The following RLIM variants were observed in gnomAD, a reference collection of about 807,000 sequenced individuals.
The protein encoded by RLIM is ring finger protein, LIM domain interacting, also known as E3 ubiquitin-protein ligase RLIM.
In RLIM, 2 loss-of-function variants were observed where a neutral mutation model predicts 34.0. That is an observed-to-expected ratio of 0.06 (90% CI 0.02 to 0.19). The LOEUF (loss-of-function observed/expected upper bound fraction) is 0.19, where lower values mean the gene tolerates loss of function less well. RLIM is among the 10% of genes least tolerant of loss of function. RLIM has a pLI of 1.00. For missense variants in RLIM, 286 were observed against 479.7 expected (o/e 0.60, Z 3.77); for synonymous variants, 169 against 164.0 (o/e 1.03, Z -0.23).
At chrX:74,593,686 G>A (rs1211834307) in intron 3 of RLIM, among the ~76,000 whole-genome samples, 2 of 112,672 alleles carry the variant, frequency 1.8e-5, no homozygotes, top group Admixed American at 1.9e-4. Context: ...ATAATGGCAT[G>A]TTCAAGAACC....
intron 1 of RLIM, among the ~76,000 whole-genome samples, chrX:74,600,075 T>G (rs2079654891): frequency 9.0e-6 from 1 of 111,028 alleles, no homozygotes; most frequent in Non-Finnish European, 1.9e-5. Context: ...CTATCCTATC[T>G]TGTTTAATTA....
At chrX:74,593,083 G>A (rs1432644884) in intron 3 of RLIM, 22 bp from the exon 4 acceptor site, 1 of 1,171,152 alleles carries the variant, frequency 8.5e-7, no homozygotes, top group African/African-American at 1.8e-5. Flanking sequence ...AAAGGAGGGG[G>A]AGAGGGAGAA....
intron 1 of RLIM, among the ~76,000 whole-genome samples, chrX:74,607,127 G>T (rs780359137): frequency 4.6e-5 from 4 of 87,467 alleles, no homozygotes; most frequent in Admixed American, 1.6e-4. Flanking sequence ...GGGTGACAGA[G>T]ACTCCATATC....
chrX:74,592,691 C>T lies in RLIM; in HGVS notation c.624G>A (p.Gln208=), dbSNP rs760723876. Residue 208 remains glutamine (Q), a synonymous_variant, in exon 4 of 4, where the codon CAG becomes CAA. Coordinates refer to ENST00000332687, the MANE Select transcript of RLIM (RefSeq NM_016120.4). ...CTGGGCTCCTGCTTCTTGCCCTCCT[C>T]TGACCTCTGGTAGGTGGGACCTCTG... ...ALTEVPPTRG[Q]RRARSRSPDH... 1 of 1,211,964 alleles carries T rather than the reference C, an allele frequency of 8.3e-7. No homozygotes were observed. Among genetic ancestry groups the T allele is most frequent in the East Asian group, 3.0e-5 (1 of 33,851 alleles).
intron 1 of RLIM, among the ~76,000 whole-genome samples, chrX:74,610,828 TGC>T (rs2079707000): frequency 1.8e-5 from 2 of 109,382 alleles, no homozygotes; most frequent in Non-Finnish European, 3.8e-5. Context: ...AGGTGGAGGT[TGC>T]AGTGAGCCGA....
intron 1 of RLIM, among the ~76,000 whole-genome samples, chrX:74,600,390 A>G (rs972052913): frequency 9.0e-6 from 1 of 111,361 alleles, no homozygotes; most frequent in African/African-American, 3.3e-5. Flanking sequence ...TGGTAAAGGC[A>G]GCCGATTTTT....
chrX:74,605,218 A>G (rs1448351627), intron 1 of RLIM, among the ~76,000 whole-genome samples: 1 of 112,300 alleles, frequency 8.9e-6, no homozygotes, highest in African/African-American at 3.2e-5. Context: ...ACACCCAATG[A>G]GCCTGGTCTT....
intron 3 of RLIM, among the ~76,000 whole-genome samples, chrX:74,593,649 A>C (rs1284513866): frequency 8.9e-6 from 1 of 112,838 alleles, no homozygotes; most frequent in African/African-American, 3.2e-5. Context: ...CAGATCAAAT[A>C]AGTAGTCTGA....
chrX:74,589,695 C>T lies in RLIM; in HGVS notation c.*1745G>A, dbSNP rs1219999035. 1 of 112,006 alleles carries T rather than the reference C, an allele frequency of 8.9e-6. No individual in the cohort carries two copies. The highest frequency in any genetic ancestry group is 3.2e-5 in the African/African-American group (1 of 30,872). 9.2% of individuals were successfully genotyped at this position (112,006 alleles called of 1,213,427 possible). Reference sequence around the variant, plus strand: ...GTTTATTTTGTAGAGTATTTGACTACGTCTGGGTAGCTAGCTTGCTTTGAT... The same window carrying T: ...GTTTATTTTGTAGAGTATTTGACTATGTCTGGGTAGCTAGCTTGCTTTGAT... On this transcript the variant is annotated 3_prime_UTR_variant, in exon 4 of 4. Coordinates refer to ENST00000332687, the MANE Select transcript of RLIM (RefSeq NM_016120.4).
At chrX:74,609,966 G>A (rs192713794) in intron 1 of RLIM, among the ~76,000 whole-genome samples, 24 of 112,061 alleles carry the variant, frequency 2.1e-4, no homozygotes, top group Non-Finnish European at 3.2e-4. Flanking sequence ...TCATGGAAAC[G>A]CCATTAGACT....
In RLIM at chrX:74,583,120, C is replaced by T. The variant is rs1415254362; in HGVS notation, c.*8320G>A. 2.5e-6 allele frequency: 3 copies of T among 1,196,676 alleles called. No homozygotes were observed. The highest frequency in any genetic ancestry group is 3.4e-6 in the Non-Finnish European group (3 of 880,894). ...GTTGGAACACCGGTGGCACTGTTAACTGCTTTCTGGGCAGTCTCTTTAGCT... is the reference window on the plus strand; with the variant it reads ...GTTGGAACACCGGTGGCACTGTTAATTGCTTTCTGGGCAGTCTCTTTAGCT... On this transcript the variant is annotated 3_prime_UTR_variant, in exon 4 of 4. Coordinates refer to ENST00000332687, the MANE Select transcript of RLIM (RefSeq NM_016120.4).
At chrX:74,608,585 C>T (rs1417891227) in intron 1 of RLIM, among the ~76,000 whole-genome samples, 1 of 111,931 alleles carries the variant, frequency 8.9e-6, no homozygotes, top group Non-Finnish European at 1.9e-5. Context: ...GCTACCATAA[C>T]AATAAGAGAT....
chrX:74,599,701 G>C (rs931935590), intron 1 of RLIM, among the ~76,000 whole-genome samples: 2 of 111,335 alleles, frequency 1.8e-5, no homozygotes, highest in Non-Finnish European at 1.9e-5. Context: ...CCCTGATCTT[G>C]GATTTTCTAG....
chrX:74,587,226 C>T lies in RLIM; in HGVS notation c.*4214G>A, dbSNP rs948322261. The stretch of plus-strand genomic sequence containing the variant: ...AAAGCACACAATTTACTAGTTAACT[C>T]AATGAATTACAATACTGTTATTGAA... On this transcript the variant is annotated 3_prime_UTR_variant, in exon 4 of 4. Transcript: ENST00000332687. The T allele has an allele frequency of 4.5e-5, 5 of 111,548 alleles. No homozygotes were observed. Among genetic ancestry groups the T allele is most frequent in the African/African-American group, 1.6e-4 (5 of 30,693 alleles). 9.2% of individuals were successfully genotyped at this position (111,548 alleles called of 1,213,427 possible). A position where few individuals can be genotyped will look rare whatever the true frequency, so the allele number is the denominator to read the frequency against.
chrX:74,612,465 T>G (rs1209584916), intron 1 of RLIM: 2 of 111,380 alleles, frequency 1.8e-5, no homozygotes, highest in Non-Finnish European at 3.8e-5. Context: ...CCCAACACCA[T>G]CTAACATCTA....
chrX:74,600,698 A>G (rs901573981), intron 1 of RLIM, among the ~76,000 whole-genome samples: 2 of 110,955 alleles, frequency 1.8e-5, no homozygotes, highest in African/African-American at 6.6e-5. Context: ...CATTTACAGC[A>G]GTGGCACAAA....
At position 74,591,447 on chromosome X, in the gene RLIM, A is replaced by C; in HGVS notation, c.1868T>G (p.Val623Gly). Residue 623 changes from valine to glycine, a missense_variant, in exon 4 of 4, where the codon GTT (valine) becomes GGT (glycine). Val to Gly is a moderately radical substitution (Grantham distance 109, BLOSUM62 -3). Coordinates refer to ENST00000332687, the MANE Select transcript of RLIM (RefSeq NM_016120.4). Reference protein sequence around the residue: ...AVLASGNRESVV With the variant: ...AVLASGNRESGV ...TGAGAGTTCAGATCTTAATTACACAACACTTTCTCTGTTACCAGAAGCTAA... is the reference window on the plus strand; with the variant it reads ...TGAGAGTTCAGATCTTAATTACACACCACTTTCTCTGTTACCAGAAGCTAA... The C allele has an allele frequency of 8.3e-7, 1 of 1,205,458 alleles. No individual in the cohort carries two copies.
rs770853723 is a variant in RLIM, at chrX:74,589,667, CTTGT to C, written c.*1769_*1772del. On this transcript the variant is annotated 3_prime_UTR_variant, in exon 4 of 4. Coordinates refer to ENST00000332687, the MANE Select transcript of RLIM (RefSeq NM_016120.4). ...GTACCCAGACAATTCCTAAAGCAGA[CTTGT>C]TTATTTTGTAGAGTATTTGACTACG... 7 of 112,163 alleles carry C rather than the reference CTTGT, an allele frequency of 6.2e-5. No individual in the cohort carries two copies. The highest frequency in any genetic ancestry group is 1.9e-4 in the Admixed American group (2 of 10,586). 9.2% of individuals were successfully genotyped at this position (112,163 alleles called of 1,213,427 possible).
At chrX:74,593,651 G>A (rs1407109788) in intron 3 of RLIM, among the ~76,000 whole-genome samples, 1 of 112,738 alleles carries the variant, frequency 8.9e-6, no homozygotes, top group Non-Finnish European at 1.9e-5. Context: ...GATCAAATAA[G>A]TAGTCTGAAC....
Sources: allele counts gnomAD v4.1 joint callset (sites outside exome capture counted in the v4.1 genomes callset), GRCh38; gene constraint gnomAD v4.1.1; transcripts MANE v1.5; gene names NCBI Gene and HGNC (gene_info 2026-07-23, HGNC 2026-07-21).